PON3: variants seen among roughly 807,000 people sequenced by gnomAD.
PON3 encodes the protein paraoxonase 3.
Under a neutral mutation model 36.3 loss-of-function variants are expected in PON3, and 37 were observed. That is an observed-to-expected ratio of 1.02 (90% CI 0.78 to 1.34). The LOEUF (loss-of-function observed/expected upper bound fraction) is 1.34. Ranked by LOEUF, PON3 falls within the 40% of genes most tolerant of loss-of-function variation. The probability of loss-of-function intolerance (pLI) is 0.00; values close to 1 mark genes in which losing one functional copy is unlikely to be tolerated. For missense variants in PON3, 415 were observed against 426.5 expected (o/e 0.97, Z 0.24); for synonymous variants, 155 against 154.8 (o/e 1.00, Z -0.01).
chr7:95,372,789 C>T lies in PON3; in HGVS notation c.202-451G>A, dbSNP rs531462608. Among the ~76,000 whole-genome samples the T allele has an allele frequency of 6.6e-5, 10 of 152,222 alleles. No homozygotes were observed. In the South Asian group the frequency reaches 1.9e-3, roughly 28 times the overall value. On this transcript the variant is annotated intron_variant, in intron 3 of 8. Transcript: ENST00000265627. Reference sequence around the variant, plus strand: ...GGGTGTATAGTTTAATTGTATTGTTCCCATTCCTACATCGATTATATCATG... The same window carrying T: ...GGGTGTATAGTTTAATTGTATTGTTTCCATTCCTACATCGATTATATCATG...
intron 2 of PON3, among the ~76,000 whole-genome samples, chr7:95,393,175 T>C (rs182319588): frequency 2.8e-4 from 42 of 152,306 alleles, no homozygotes; most frequent in African/African-American, 9.9e-4. Context: ...TTTTTAAATA[T>C]AGCAATAAAA....
chr7:95,365,489 C>A (rs780981748), intron 5 of PON3: 2 of 152,218 alleles, frequency 1.3e-5, no homozygotes. Context: ...CTCCCTTTTT[C>A]TCCTTGACCA....
intron 2 of PON3, among the ~76,000 whole-genome samples, chr7:95,393,701 G>C (rs1294158218): frequency 6.6e-6 from 1 of 152,128 alleles, no homozygotes; most frequent in Non-Finnish European, 1.5e-5. Flanking sequence ...TCTAGAAGCA[G>C]AGCTGGTTGT....
chr7:95,360,694 T>C (rs1808547594), intron 8 of PON3, among the ~76,000 whole-genome samples: 1 of 152,146 alleles, frequency 6.6e-6, no homozygotes, highest in East Asian at 1.9e-4. Flanking sequence ...ACTTTGCTAA[T>C]CAGTGTATAT....
chr7:95,390,405 C>T (rs1809293920), intron 2 of PON3, among the ~76,000 whole-genome samples, 196 bp from the exon 3 acceptor site: 1 of 152,166 alleles, frequency 6.6e-6, no homozygotes, highest in Admixed American at 6.5e-5. Context: ...GAGTCAGACT[C>T]CTCAAATACT....
At chr7:95,374,950 C>G (rs556508749) in intron 3 of PON3, among the ~76,000 whole-genome samples, 28 of 152,154 alleles carry the variant, frequency 1.8e-4, no homozygotes, top group African/African-American at 6.0e-4. Flanking sequence ...TCCTTTATAT[C>G]AAGGACTTTC....
At chr7:95,387,389 A>G (rs1809220290) in intron 3 of PON3, among the ~76,000 whole-genome samples, 1 of 152,212 alleles carries the variant, frequency 6.6e-6, no homozygotes. Flanking sequence ...CAATTACTAT[A>G]AAGAGAATAA....
chr7:95,367,210 G>A, intron 5 of PON3, 152 bp downstream of exon 5: 1 of 920,188 alleles, frequency 1.1e-6, no homozygotes, highest in South Asian at 1.6e-5. Context: ...GAGGCGCTGG[G>A]AAGAGTCACC....
At chr7:95,377,504 G>C (rs1259082773) in intron 3 of PON3, 3 of 372,602 alleles carry the variant, frequency 8.1e-6, no homozygotes, top group Non-Finnish European at 1.6e-5. Flanking sequence ...CTGACTGGGA[G>C]ACACCTCCCA....
At chr7:95,361,994 G>A (rs760322617) in intron 8 of PON3, among the ~76,000 whole-genome samples, 2 of 152,014 alleles carry the variant, frequency 1.3e-5, no homozygotes, top group Non-Finnish European at 2.9e-5. Context: ...TTTAATCTTA[G>A]CTTCATGTTG....
intron 2 of PON3, among the ~76,000 whole-genome samples, chr7:95,390,819 ATAAG>A (rs1359478820): frequency 6.6e-6 from 1 of 152,132 alleles, no homozygotes; most frequent in African/African-American, 2.4e-5. Flanking sequence ...GAGACATATA[ATAAG>A]TAAGTTTTGA....
At chr7:95,379,015 T>G (rs1169762051) in intron 3 of PON3, among the ~76,000 whole-genome samples, 1 of 151,488 alleles carries the variant, frequency 6.6e-6, no homozygotes. Context: ...CCATCTCATG[T>G]GCAAAGACAC....
chr7:95,395,233 A>G (rs1321312044), intron 1 of PON3, among the ~76,000 whole-genome samples: 3 of 152,190 alleles, frequency 2.0e-5, no homozygotes, highest in Admixed American at 6.5e-5. Flanking sequence ...AATTCATTAA[A>G]CCAACCACAA....
Position 95,363,868 on chromosome 7 carries a change from G to T in PON3, c.690C>A (p.Asp230Glu). 5 of 1,612,976 alleles carry T rather than the reference G, an allele frequency of 3.1e-6. No individual in the cohort carries two copies. Among genetic ancestry groups the T allele is most frequent in the Non-Finnish European group, 4.2e-6 (5 of 1,179,024 alleles). The change falls in exon 6 of 9, where the codon GAC becomes GAA. Residue 230 changes from aspartate (D) to glutamate (E), a missense_variant. Asp to Glu is a conservative substitution (Grantham distance 45, BLOSUM62 2). Transcript: ENST00000265627. ...CSANGITVSA[D>E]QKYVYVADVA... is the part of the protein sequence containing the mutation. ...AAATACACAAAAGAGCTTACTTCTG[G>T]TCTGCTGAGACTGTGATCCCATTGG...
intron 3 of PON3, among the ~76,000 whole-genome samples, chr7:95,378,441 A>G (rs1346351765): frequency 3.9e-5 from 6 of 152,202 alleles, no homozygotes; most frequent in African/African-American, 1.4e-4. Flanking sequence ...CAACTCCAAG[A>G]CACACAATTG....
intron 2 of PON3, among the ~76,000 whole-genome samples, chr7:95,390,421 C>A (rs1809294212): frequency 1.3e-5 from 2 of 152,098 alleles, no homozygotes; most frequent in Admixed American, 1.3e-4. Flanking sequence ...ATACTAAATC[C>A]TTTTTTAGAA....
At chr7:95,389,967 A>G (rs567574425) in intron 3 of PON3, among the ~76,000 whole-genome samples, 187 bp downstream of exon 3, 1 of 152,340 alleles carries the variant, frequency 6.6e-6, no homozygotes, top group Admixed American at 6.5e-5. Flanking sequence ...GAGGCAGTCA[A>G]AGCTGGGCAT....
intron 4 of PON3, among the ~76,000 whole-genome samples, chr7:95,371,001 G>A (rs1257866617): frequency 1.3e-5 from 2 of 152,126 alleles, no homozygotes; most frequent in African/African-American, 4.8e-5. Flanking sequence ...TTTTCTGTCT[G>A]TGAATTCACC....
At position 95,360,006 on chromosome 7, in the gene PON3, G is replaced by C. The variant is rs201745303; in HGVS notation, c.1032C>G (p.Thr344=). The C allele has an allele frequency of 9.3e-6, 15 of 1,611,244 alleles. No individual in the cohort carries two copies. Among genetic ancestry groups the C allele is most frequent in the Admixed American group, 3.3e-5 (2 of 59,720 alleles). The change falls in exon 9 of 9, where the codon ACC becomes ACG. Residue 344 remains threonine, a synonymous_variant. Transcript: ENST00000265627. Reference sequence around the variant, plus strand: ...CACAGTACAGAGTTTTGTGAAATACGGTGCCTATGAGAATTTTCCCATGGT... The same window carrying C: ...CACAGTACAGAGTTTTGTGAAATACCGTGCCTATGAGAATTTTCCCATGGT... ...SVYHGKILIG[T]VFHKTLYCEL
Sources: allele counts gnomAD v4.1 joint callset (sites outside exome capture counted in the v4.1 genomes callset), GRCh38; gene constraint gnomAD v4.1.1; transcripts MANE v1.5; gene names NCBI Gene and HGNC (gene_info 2026-07-23, HGNC 2026-07-21).